The following CUL4A variants were observed in gnomAD, a reference collection of about 807,000 sequenced individuals.
CUL4A encodes cullin-4A.
A neutral mutation model predicts 95.5 loss-of-function variants in CUL4A; 16 were observed. The ratio of observed to expected loss-of-function variants is 0.17; its 90% CI spans 0.11 to 0.25. The LOEUF (loss-of-function observed/expected upper bound fraction) is 0.25, where lower values mean the gene tolerates loss of function less well. Ranked by LOEUF, CUL4A falls within the 10% of genes least tolerant of loss-of-function variation. The pLI, the probability that CUL4A is intolerant of heterozygous loss-of-function variation, is 1.00. For synonymous variants in CUL4A, 380 were observed against 353.1 expected, an observed-to-expected ratio of 1.08 and a Z score of -0.85; for missense variants, 610 against 937.0, an observed-to-expected ratio of 0.65 and a Z score of 4.56.
At chr13:113,223,938 C>T (rs1430659951) in intron 3 of CUL4A, among the ~76,000 whole-genome samples, 1 of 152,176 alleles carries the variant, frequency 6.6e-6, no homozygotes, top group Non-Finnish European at 1.5e-5. Flanking sequence ...AAATAAAGGC[C>T]ATTTGTACCC....
chr13:113,214,731 G>A (rs35306827), intron 2 of CUL4A, among the ~76,000 whole-genome samples: 29,803 of 152,062 alleles, frequency 0.2, 3,744 homozygotes, highest in South Asian at 0.43. Flanking sequence ...TTGATACCAG[G>A]TGATAATGGT....
chr13:113,228,254 C>CA (rs1427203156), intron 4 of CUL4A, among the ~76,000 whole-genome samples: 2 of 152,208 alleles, frequency 1.3e-5, no homozygotes, highest in African/African-American at 4.8e-5. Flanking sequence ...GGTCCACAGT[C>CA]ACAGTCCGCA....
rs1283241873 is a variant in CUL4A, at chr13:113,265,364, T to C, written c.*1782T>C. ...GAGTTCCAGACCATCCTGAGCACCA[T>C]AGGGAGATCCTGTTTCCATTTTAGT... is the stretch of plus-strand genomic sequence containing the variant. On this transcript the variant is annotated 3_prime_UTR_variant, in exon 20 of 20. Transcript: ENST00000375440. 2.6e-5 allele frequency: 4 copies of C among 152,206 alleles called. No individual in the cohort carries two copies. In the South Asian group the frequency reaches 6.2e-4, roughly 24 times the overall value. The allele number at this position is 152,206 out of a possible 1,614,324, so 9.4% of individuals were successfully genotyped here.
In CUL4A at chr13:113,209,759, C is replaced by A; in HGVS notation, c.132C>A (p.Val44=). 2.5e-6 allele frequency: 3 copies of A among 1,177,660 alleles called. No homozygotes were observed. The South Asian group carries it at 1.2e-4, about 48-fold the overall frequency. The allele number at this position is 1,177,660 out of a possible 1,614,324, so 73.0% of individuals were successfully genotyped here. ...PGGAGGSKKL[V]IKNFRDRPRL... The stretch of plus-strand genomic sequence containing the variant: ...GCGCGGGCGGCTCCAAGAAGCTGGT[C>A]ATCAAGAACTTCCGAGGTGGGTGCG... Residue 44 remains valine, a synonymous_variant, in exon 1 of 20, where the codon GTC becomes GTA. Transcript: ENST00000375440.
At chr13:113,237,095 A>C (rs1188241389) in intron 9 of CUL4A, among the ~76,000 whole-genome samples, 1 of 152,236 alleles carries the variant, frequency 6.6e-6, no homozygotes, top group Non-Finnish European at 1.5e-5. Flanking sequence ...ACCTAGTGGA[A>C]CTACATTCAC....
intron 11 of CUL4A, among the ~76,000 whole-genome samples, chr13:113,244,009 G>C (rs1048154969): frequency 6.8e-6 from 1 of 146,936 alleles, no homozygotes; most frequent in African/African-American, 2.4e-5. Flanking sequence ...TTGCCACCTT[G>C]GATGCTCTGA....
chr13:113,237,756 T>G (rs1291616258), intron 9 of CUL4A, among the ~76,000 whole-genome samples: 1 of 152,218 alleles, frequency 6.6e-6, no homozygotes, highest in Non-Finnish European at 1.5e-5. Context: ...CTAAATGGTA[T>G]TCAAATATAT....
At chr13:113,223,878 A>G (rs1028374662) in intron 3 of CUL4A, among the ~76,000 whole-genome samples, 1 of 152,136 alleles carries the variant, frequency 6.6e-6, no homozygotes, top group Non-Finnish European at 1.5e-5. Flanking sequence ...TTCTGCACTT[A>G]GCTGTCCGTT....
chr13:113,226,229 A>G (rs2041100229), intron 3 of CUL4A, among the ~76,000 whole-genome samples: 1 of 152,118 alleles, frequency 6.6e-6, no homozygotes, highest in Non-Finnish European at 1.5e-5. Flanking sequence ...TCTGTGTGTG[A>G]GGATGTTGTC....
intron 10 of CUL4A, among the ~76,000 whole-genome samples, chr13:113,240,321 TG>T (rs1383794730): frequency 2.0e-5 from 3 of 152,200 alleles, no homozygotes; most frequent in African/African-American, 7.2e-5. Flanking sequence ...AAGAATCACC[TG>T]CCCAGAGGGC....
intron 2 of CUL4A, among the ~76,000 whole-genome samples, chr13:113,213,877 C>T (rs541818460): frequency 4.1e-4 from 62 of 152,248 alleles, no homozygotes; most frequent in Non-Finnish European, 8.4e-4. Context: ...CATCTCTCCA[C>T]GCACAGGTGG....
intron 3 of CUL4A, among the ~76,000 whole-genome samples, chr13:113,220,883 C>T (rs2040871721): frequency 6.6e-6 from 1 of 152,140 alleles, no homozygotes; most frequent in African/African-American, 2.4e-5. Context: ...ACTGTATTTC[C>T]CTGGTGCAGT....
chr13:113,260,197 C>A (rs2042233861), intron 18 of CUL4A, among the ~76,000 whole-genome samples: 1 of 1,432 alleles, frequency 7.0e-4, no homozygotes, highest in Admixed American at 0.017. Context: ...GAGTGAGACT[C>A]CGTCTCAAAA....
chr13:113,224,700 G>T (rs1336836827), intron 3 of CUL4A, among the ~76,000 whole-genome samples: 1 of 152,266 alleles, frequency 6.6e-6, no homozygotes, highest in African/African-American at 2.4e-5. Flanking sequence ...CTGGCAGTAG[G>T]CCAAGCTCTG....
chr13:113,208,886 C>G (rs1033016011), upstream of CUL4A: 1 of 1,394,852 alleles, frequency 7.2e-7, no homozygotes, highest in African/African-American at 1.5e-5. Context: ...CGGGCCCGCC[C>G]GGGCTGAGGG....
At chr13:113,257,268 T>C (rs1016564224) in intron 18 of CUL4A, among the ~76,000 whole-genome samples, 6 of 152,118 alleles carry the variant, frequency 3.9e-5, no homozygotes, top group Non-Finnish European at 7.4e-5. Context: ...TTTTATTGGT[T>C]TTTTTTTCAC....
At chr13:113,208,249 CG>C, upstream of CUL4A, 1 of 1,442,632 alleles carries the variant, frequency 6.9e-7, no homozygotes, top group Non-Finnish European at 9.1e-7. Context: ...CCGCCCACAG[CG>C]GGCCCTCGGC....
chr13:113,208,356 G>A (rs1217748739), upstream of CUL4A: 14 of 1,432,520 alleles, frequency 9.8e-6, no homozygotes, highest in South Asian at 1.2e-4. Context: ...CTTACACCGC[G>A]ACGACTCCGC....
intron 15 of CUL4A, among the ~76,000 whole-genome samples, chr13:113,250,369 C>A (rs1469784849): frequency 6.6e-6 from 1 of 152,140 alleles, no homozygotes; most frequent in Non-Finnish European, 1.5e-5. Flanking sequence ...GCAGGATTGC[C>A]TGAGTCTGGG....
Sources: gnomAD v4.1 joint callset for allele counts (sites outside exome capture counted in the v4.1 genomes callset) on GRCh38, gnomAD v4.1.1 for gene constraint, MANE v1.5 for transcripts, NCBI Gene and HGNC (gene_info 2026-07-23, HGNC 2026-07-21) for gene names.